The following BRWD1 variants were observed in gnomAD, a reference collection of about 807,000 sequenced individuals.
The protein encoded by BRWD1 is bromodomain and WD repeat-containing protein 1.
Under a neutral mutation model 251.2 loss-of-function variants are expected in BRWD1, and 82 were observed. The observed-to-expected ratio is 0.33, with a 90% CI of 0.27 to 0.39. The LOEUF (loss-of-function observed/expected upper bound fraction) is 0.39, where lower values mean the gene tolerates loss of function less well. Ranked by LOEUF, BRWD1 falls within the 10% of genes least tolerant of loss-of-function variation. The probability of loss-of-function intolerance (pLI) is 1.00; values close to 1 mark genes in which losing one functional copy is unlikely to be tolerated. For synonymous variants in BRWD1, 918 were observed against 902.8 expected (o/e 1.02, Z -0.30); for missense variants, 2,233 against 2,711.6 (o/e 0.82, Z 3.92).
upstream of BRWD1, among the ~76,000 whole-genome samples, chr21:39,315,235 C>G (rs1379858889): frequency 1.3e-5 from 2 of 152,006 alleles, no homozygotes; most frequent in African/African-American, 4.8e-5. Context: ...AACTCCTGGC[C>G]TCAGGTGATC....
In BRWD1 at chr21:39,293,930, A is replaced by C; in HGVS notation, c.712T>G (p.Tyr238Asp). 6.2e-7 allele frequency: 1 copy of C among 1,614,140 alleles called. No homozygotes were observed. Among genetic ancestry groups the C allele is most frequent in the Non-Finnish European group, 8.5e-7 (1 of 1,180,004 alleles). Residue 238 changes from tyrosine to aspartate, a missense_variant, in exon 8 of 41, where the codon TAT (tyrosine) becomes GAT (aspartate). Tyr to Asp is a radical substitution (Grantham distance 160). Coordinates refer to ENST00000342449, the MANE Select transcript of BRWD1 (RefSeq NM_033656.4). ...SAEISDMAVN[Y>D]ENTMIAAGSC... is the part of the protein sequence containing the mutation. ...CCCGCAGCAATCATTGTATTCTCAT[A>C]GTTTACTGCCATATCTGAAATTTCT...
At chr21:39,281,978 A>C (rs1222791972) in intron 8 of BRWD1, among the ~76,000 whole-genome samples, 1 of 151,662 alleles carries the variant, frequency 6.6e-6, no homozygotes, top group Middle Eastern at 3.5e-3. Flanking sequence ...ATATAAATAC[A>C]TGTATATAAA....
rs1300136592 is a variant in BRWD1 at position 39,196,624 on chromosome 21, A to T, written c.6445T>A (p.Phe2149Ile). ...GATTTGGAACTAGTATCAGGTCTAA[A>T]CTTTGAATTCCCAGTTGTTTCAGAG... ...KISETTGNSK[F>I]RPDTSSKSSD... is the part of the protein sequence containing the mutation. Residue 2149 changes from phenylalanine (F) to isoleucine (I), a missense_variant, in exon 41 of 41, where the codon TTT (phenylalanine) becomes ATT (isoleucine). Phe to Ile is a conservative substitution (Grantham distance 21). This residue lies in a region of BRWD1 where 928 missense variants were observed against 970.0 expected (regional missense o/e 0.96). Transcript: ENST00000342449. 9 of 1,613,568 alleles carry T rather than the reference A, an allele frequency of 5.6e-6. No individual in the cohort carries two copies. The highest frequency in any genetic ancestry group is 7.6e-6 in the Non-Finnish European group (9 of 1,179,820).
At chr21:39,246,863 ACAAGGT>A (rs2034207966) in intron 21 of BRWD1, among the ~76,000 whole-genome samples, 1 of 152,216 alleles carries the variant, frequency 6.6e-6, no homozygotes, top group African/African-American at 2.4e-5. Context: ...CAGGTGGATC[ACAAGGT>A]CAAGAGATCC....
At chr21:39,258,776 C>A in intron 17 of BRWD1, 104 bp from the exon 18 acceptor site, 1 of 758,020 alleles carries the variant, frequency 1.3e-6, no homozygotes, top group South Asian at 3.3e-5. Context: ...CAGAATTTCC[C>A]ATTTTTGAAA....
At chr21:39,231,434 C>T (rs1370051321) in intron 25 of BRWD1, among the ~76,000 whole-genome samples, 2 of 152,102 alleles carry the variant, frequency 1.3e-5, no homozygotes, top group African/African-American at 4.8e-5. Flanking sequence ...TGTGTGAATG[C>T]ACCATGATTT....
intron 27 of BRWD1, among the ~76,000 whole-genome samples, chr21:39,227,590 G>A (rs1244771470): frequency 6.6e-6 from 1 of 152,108 alleles, no homozygotes; most frequent in African/African-American, 2.4e-5. Context: ...ACTCGAATGT[G>A]TAAAATTACA....
intron 36 of BRWD1, among the ~76,000 whole-genome samples, chr21:39,208,679 G>C (rs557720955): frequency 6.6e-6 from 1 of 152,136 alleles, no homozygotes; most frequent in South Asian, 2.1e-4. Flanking sequence ...CATTTCAAGC[G>C]GTTCTCATGC....
intron 38 of BRWD1, among the ~76,000 whole-genome samples, chr21:39,200,875 T>C (rs1032307377): frequency 6.6e-6 from 1 of 152,020 alleles, no homozygotes; most frequent in African/African-American, 2.4e-5. Flanking sequence ...TCCCAGCTAC[T>C]GGGGAGGCTG....
intron 8 of BRWD1, 146 bp downstream of exon 8, chr21:39,293,665 T>A: frequency 1.5e-6 from 1 of 658,030 alleles, no homozygotes; most frequent in Non-Finnish European, 2.6e-6. Context: ...CTTCCATGAT[T>A]TGTATGATTT....
At chr21:39,275,331 T>C (rs1286331998) in intron 12 of BRWD1, among the ~76,000 whole-genome samples, 1 of 152,142 alleles carries the variant, frequency 6.6e-6, no homozygotes, top group African/African-American at 2.4e-5. Flanking sequence ...AGAAAAGTTT[T>C]TTTTAACTAC....
At chr21:39,217,079 ATATATTTTTTT>A (rs2032973527) in intron 31 of BRWD1, 1 of 11,694 alleles carries the variant, frequency 8.6e-5, no homozygotes, top group Non-Finnish European at 1.5e-4. Flanking sequence ...ATATATATAT[ATATATTTTTTT>A]TTTTTTTTTT....
chr21:39,307,010 C>T lies in BRWD1; in HGVS notation c.198+5831G>A, dbSNP rs545377331. The stretch of plus-strand genomic sequence containing the variant: ...CTGGGATTACAGGCACCTGCCACCA[C>T]GCCCGGCTAAGTTTTGTATTTTTAG... On this transcript the variant is annotated intron_variant, in intron 4 of 40. Transcript: ENST00000342449. Among the ~76,000 whole-genome samples, 60 of 152,194 alleles carry T rather than the reference C, an allele frequency of 3.9e-4. No homozygotes were observed. The East Asian group carries it at 0.011, about 28-fold the overall frequency.
intron 4 of BRWD1, among the ~76,000 whole-genome samples, chr21:39,311,109 A>G (rs1391113597): frequency 6.6e-6 from 1 of 152,138 alleles, no homozygotes; most frequent in Non-Finnish European, 1.5e-5. Context: ...GTGATTTTAA[A>G]CAATAGTAAG....
chr21:39,299,088 T>C (rs895483916), intron 4 of BRWD1, among the ~76,000 whole-genome samples: 2 of 152,196 alleles, frequency 1.3e-5, no homozygotes, highest in Non-Finnish European at 2.9e-5. Context: ...CCAGGCATGG[T>C]GGTGCACACC....
intron 36 of BRWD1, 106 bp from the exon 37 acceptor site, chr21:39,206,380 T>C: frequency 3.6e-6 from 3 of 831,608 alleles, no homozygotes; most frequent in Non-Finnish European, 3.6e-6. Context: ...TCACTGCTTA[T>C]AGGTAATGGC....
chr21:39,314,314 C>G (rs1284205358), upstream of BRWD1: 1 of 455,964 alleles, frequency 2.2e-6, no homozygotes, highest in South Asian at 1.5e-5. Context: ...AAGCCAGCAG[C>G]CCGGCAGAAA....
At chr21:39,285,860 A>G (rs1490296649) in intron 8 of BRWD1, among the ~76,000 whole-genome samples, 2 of 107,082 alleles carry the variant, frequency 1.9e-5, no homozygotes, top group Admixed American at 1.2e-4. Flanking sequence ...GCATCACTTG[A>G]GCCCAGTCAA....
chr21:39,195,527 C>A lies in BRWD1; in HGVS notation c.*732G>T, dbSNP rs375251088. 1.2e-4 allele frequency: 118 copies of A among 984,280 alleles called. No individual in the cohort carries two copies. The African/African-American group carries it at 1.9e-3, about 16-fold the overall frequency. The allele number at this position is 984,280 out of a possible 1,614,324, so 61.0% of individuals were successfully genotyped here. On this transcript the variant is annotated 3_prime_UTR_variant, in exon 41 of 41. Coordinates refer to ENST00000342449, the MANE Select transcript of BRWD1 (RefSeq NM_033656.4). Reference sequence around the variant, plus strand: ...AGTGCACAATTTAAAAGAAAATGCTCTGACTATGCTCTGGTCCTAGAGGTT... The same window carrying A: ...AGTGCACAATTTAAAAGAAAATGCTATGACTATGCTCTGGTCCTAGAGGTT...
Sources: allele counts gnomAD v4.1 joint callset (sites outside exome capture counted in the v4.1 genomes callset), GRCh38; gene constraint gnomAD v4.1.1; regional missense constraint gnomAD v4.1.1; transcripts MANE v1.5; gene names NCBI Gene and HGNC (gene_info 2026-07-23, HGNC 2026-07-21).